Variants in TYR observed in about 807,000 individuals in gnomAD.
TYR encodes the protein LB24-AB.
A neutral mutation model predicts 51.5 loss-of-function variants in TYR; 58 were observed. The observed-to-expected ratio is 1.13, with a 90% CI of 0.91 to 1.40. The LOEUF is 1.40. Ranked by LOEUF, TYR falls within the 40% of genes most tolerant of loss-of-function variation. The pLI, the probability that TYR is intolerant of heterozygous loss-of-function variation, is 0.00. For synonymous variants in TYR, 263 were observed against 235.2 expected (o/e 1.12, Z -1.08); for missense variants, 732 against 647.4 (o/e 1.13, Z -1.42).
intron 3 of TYR, among the ~76,000 whole-genome samples, chr11:89,265,964 G>A (rs1243728513): frequency 6.6e-6 from 1 of 151,932 alleles, no homozygotes; most frequent in Admixed American, 6.6e-5. Flanking sequence ...GAAATAAATG[G>A]TAAGTACATG....
intron 2 of TYR, among the ~76,000 whole-genome samples, chr11:89,209,047 A>G (rs1791945705): frequency 6.6e-6 from 1 of 152,178 alleles, no homozygotes; most frequent in African/African-American, 2.4e-5. Flanking sequence ...TGATTTCTGC[A>G]TTTCCAACTG....
At chr11:89,245,618 A>G (rs769158140) in intron 3 of TYR, among the ~76,000 whole-genome samples, 70 of 152,260 alleles carry the variant, frequency 4.6e-4, no homozygotes, top group Non-Finnish European at 8.5e-4. Flanking sequence ...GGAAATGAGG[A>G]TTAAGAAGAA....
rs184023346 is a variant in TYR at position 89,216,765 on chromosome 11, A to G, written c.1037-11058A>G. On this transcript the variant is annotated intron_variant, in intron 2 of 4. Coordinates refer to ENST00000263321, the MANE Select transcript of TYR (RefSeq NM_000372.5). Reference sequence around the variant, plus strand: ...TAGATCTTCAAGATCTGGTAGTGCAATTCTGTCATCCTTAACTCACAGCTT... The same window carrying G: ...TAGATCTTCAAGATCTGGTAGTGCAGTTCTGTCATCCTTAACTCACAGCTT... Among the ~76,000 whole-genome samples the G allele has an allele frequency of 2.0e-3, 303 of 152,052 alleles. 2 individuals are homozygous for G. The highest frequency in any genetic ancestry group is 6.8e-3 in the African/African-American group (281 of 41,462).
intron 3 of TYR, among the ~76,000 whole-genome samples, chr11:89,244,421 G>A (rs1944238636): frequency 6.6e-6 from 1 of 152,214 alleles, no homozygotes; most frequent in Non-Finnish European, 1.5e-5. Flanking sequence ...CTTATGGCGA[G>A]AACCATGTAT....
intron 3 of TYR, among the ~76,000 whole-genome samples, chr11:89,259,183 G>A (rs147419644): frequency 1.2e-3 from 177 of 152,066 alleles, no homozygotes; most frequent in South Asian, 2.5e-3. Context: ...CCACAGATGC[G>A]CTAAAAATGA....
At chr11:89,266,017 A>G (rs1183785975) in intron 3 of TYR, among the ~76,000 whole-genome samples, 1 of 151,984 alleles carries the variant, frequency 6.6e-6, no homozygotes, top group Non-Finnish European at 1.5e-5. Flanking sequence ...CGCAAAGAAA[A>G]TAGTCTGTTT....
intron 3 of TYR, among the ~76,000 whole-genome samples, chr11:89,244,064 T>C (rs979982122): frequency 2.4e-4 from 37 of 152,134 alleles, no homozygotes; most frequent in Admixed American, 7.9e-4. Flanking sequence ...TAAAACTTTT[T>C]TGCAACAGAT....
At chr11:89,192,510 C>A (rs1444579188) in intron 2 of TYR, among the ~76,000 whole-genome samples, 1 of 151,208 alleles carries the variant, frequency 6.6e-6, no homozygotes, top group Non-Finnish European at 1.5e-5. Context: ...TTTTTTTTTC[C>A]TTTTTGTCAT....
chr11:89,228,078 T>C (rs1382446979), intron 3 of TYR, 108 bp downstream of exon 3: 13 of 1,404,438 alleles, frequency 9.3e-6, no homozygotes, highest in African/African-American at 1.4e-5. Context: ...TATGGTAGTC[T>C]ATTGTCTGTG....
intron 2 of TYR, among the ~76,000 whole-genome samples, chr11:89,195,375 A>G (rs1362002759): frequency 6.6e-6 from 1 of 152,070 alleles, no homozygotes; most frequent in African/African-American, 2.4e-5. Context: ...GTAATTTGTG[A>G]ATTGTGTAAG....
intron 2 of TYR, among the ~76,000 whole-genome samples, chr11:89,200,915 T>C (rs1240033998): frequency 6.6e-6 from 1 of 152,186 alleles, no homozygotes; most frequent in Admixed American, 6.5e-5. Flanking sequence ...AAATCTGAAA[T>C]CATATCAATG....
At chr11:89,267,150 G>A (rs1157273562) in intron 3 of TYR, among the ~76,000 whole-genome samples, 1 of 151,918 alleles carries the variant, frequency 6.6e-6, no homozygotes, top group African/African-American at 2.4e-5. Flanking sequence ...TAGGGATATA[G>A]TACTGGGAAT....
intron 2 of TYR, among the ~76,000 whole-genome samples, chr11:89,192,552 G>T (rs545363151): frequency 1.3e-5 from 2 of 151,234 alleles, no homozygotes; most frequent in African/African-American, 4.9e-5. Flanking sequence ...TTATTGTACT[G>T]TGCAGAGTGG....
chr11:89,241,850 A>G (rs962338698), intron 3 of TYR, among the ~76,000 whole-genome samples: 5 of 148,720 alleles, frequency 3.4e-5, no homozygotes, highest in African/African-American at 1.2e-4. Context: ...TCATATTAAT[A>G]TAATAGTGAA....
chr11:89,277,633 A>G (rs1314930146), intron 3 of TYR, among the ~76,000 whole-genome samples: 1 of 151,710 alleles, frequency 6.6e-6, no homozygotes, highest in East Asian at 2.0e-4. Context: ...GAATCATGAC[A>G]TCAGCATCCT....
At chr11:89,209,083 C>G (rs1458820002) in intron 2 of TYR, among the ~76,000 whole-genome samples, 2 of 152,130 alleles carry the variant, frequency 1.3e-5, no homozygotes, top group African/African-American at 4.8e-5. Context: ...CTCATTGGGA[C>G]TGGTCGGACA....
At chr11:89,252,895 C>T (rs1944347091) in intron 3 of TYR, among the ~76,000 whole-genome samples, 2 of 151,666 alleles carry the variant, frequency 1.3e-5, no homozygotes, top group Non-Finnish European at 3.0e-5. Flanking sequence ...CAGTCTCATA[C>T]AGTCATTTGT....
chr11:89,216,647 C>CAAAAAAAAAAAAAAAAAAAA (rs11411684), intron 2 of TYR, among the ~76,000 whole-genome samples: 21 of 80,792 alleles, frequency 2.6e-4, no homozygotes, highest in Non-Finnish European at 3.3e-4. Flanking sequence ...TTTTCCATCT[C>CAAAAAAAAAAAAAAAAAAAA]AAAAAAAAAA....
At chr11:89,288,644 A>G (rs536729248) in intron 4 of TYR, among the ~76,000 whole-genome samples, 19 of 152,190 alleles carry the variant, frequency 1.2e-4, no homozygotes, top group African/African-American at 4.1e-4. Context: ...ACTTTAAAAT[A>G]AGCAACAGCA....
Sources: gnomAD v4.1 joint callset for allele counts (sites outside exome capture counted in the v4.1 genomes callset) on GRCh38, gnomAD v4.1.1 for gene constraint, MANE v1.5 for transcripts, NCBI Gene and HGNC (gene_info 2026-07-23, HGNC 2026-07-21) for gene names.